RBBP8: variants seen among roughly 807,000 people sequenced by gnomAD.
RBBP8 encodes DNA endonuclease RBBP8.
RBBP8 carries 88 observed loss-of-function variants against 108.3 expected under a neutral mutation model. The ratio of observed to expected loss-of-function variants is 0.81; its 90% CI spans 0.68 to 0.97. The LOEUF is 0.97. Among genes scored for constraint, RBBP8 ranks in the 50% least tolerant of loss-of-function variants. The probability of loss-of-function intolerance (pLI) is 0.00; values close to 1 mark genes in which losing one functional copy is unlikely to be tolerated. For missense variants in RBBP8, 1,023 were observed against 1,049.0 expected (o/e 0.98, Z 0.34); for synonymous variants, 332 against 348.2 (o/e 0.95, Z 0.52).
At chr18:22,916,142 C>T (rs1251046958) in intron 2 of RBBP8, among the ~76,000 whole-genome samples, 1 of 151,706 alleles carries the variant, frequency 6.6e-6, no homozygotes, top group Non-Finnish European at 1.5e-5. Context: ...AAAAGTATTC[C>T]ACTCATTTAA....
intron 6 of RBBP8, among the ~76,000 whole-genome samples, chr18:22,979,854 A>G (rs903065163): frequency 6.6e-6 from 1 of 152,200 alleles, no homozygotes; most frequent in African/African-American, 2.4e-5. Flanking sequence ...CGCCATACCT[A>G]CTGTATGTCT....
At chr18:22,959,514 AT>A (rs1192509997) in intron 4 of RBBP8, among the ~76,000 whole-genome samples, 1 of 151,816 alleles carries the variant, frequency 6.6e-6, no homozygotes, top group Non-Finnish European at 1.5e-5. Flanking sequence ...CACTTTCTCT[AT>A]TTTTTAATGG....
At chr18:23,022,383 C>A in intron 18 of RBBP8, 113 bp downstream of exon 18, 8 of 1,036,600 alleles carry the variant, frequency 7.7e-6, no homozygotes, top group Non-Finnish European at 1.1e-5. Context: ...GGTGGATCAC[C>A]TGAGGTCAGG....
At chr18:22,933,829 G>C (rs1910243191) in intron 1 of RBBP8, 1 of 152,226 alleles carries the variant, frequency 6.6e-6, no homozygotes, top group African/African-American at 2.4e-5. Flanking sequence ...CCGCGCATGC[G>C]CCGACTGCGG....
At chr18:23,019,938 A>G (rs1278792959) in intron 17 of RBBP8, among the ~76,000 whole-genome samples, 1 of 150,598 alleles carries the variant, frequency 6.6e-6, no homozygotes. Flanking sequence ...ATTTTTTTGT[A>G]TTTTCAGTAG....
intron 10 of RBBP8, among the ~76,000 whole-genome samples, chr18:22,991,500 T>A (rs1915702188): frequency 6.6e-6 from 1 of 152,048 alleles, no homozygotes; most frequent in Non-Finnish European, 1.5e-5. Flanking sequence ...TAGGACCCCC[T>A]CCCCCATGGG....
rs1402796035 is a variant in RBBP8, at chr18:22,946,759, C to T, written c.152+273C>T. 2.0e-5 allele frequency among the ~76,000 whole-genome samples: 3 copies of T among 151,720 alleles called. No individual in the cohort carries two copies. In the East Asian group the frequency reaches 5.8e-4, roughly 29 times the overall value. On this transcript the variant is annotated intron_variant, in intron 3 of 18. Transcript: ENST00000327155. ...TACAACTTACATATGTAATCTTTTC[C>T]CATAAAGTATTAAAATGACAATTGA...
intron 4 of RBBP8, among the ~76,000 whole-genome samples, chr18:22,950,447 A>G (rs1042775060): frequency 1.3e-5 from 2 of 152,040 alleles, no homozygotes; most frequent in African/African-American, 4.8e-5. Flanking sequence ...GCTGAGCATG[A>G]TGGCCTGAAC....
Position 22,982,340 on chromosome 18 carries a change from T to C in RBBP8, c.551T>C (p.Val184Ala), listed in dbSNP as rs1275135597. 6.2e-7 allele frequency: 1 copy of C among 1,614,158 alleles called. No homozygotes were observed. The highest frequency in any genetic ancestry group is 1.3e-5 in the African/African-American group (1 of 75,052). Residue 184 changes from valine to alanine, a missense_variant, in exon 7 of 19, where the codon GTC becomes GCC. Physicochemically the swap from Val to Ala is moderately conservative, Grantham distance 64 (BLOSUM62 0). Transcript: ENST00000327155. ...CTACGAAGAAAGGAGAACCCCCATGTCCGATACATAGAACAAACACATACT... is the reference window on the plus strand; with the variant it reads ...CTACGAAGAAAGGAGAACCCCCATGCCCGATACATAGAACAAACACATACT... ...NRLRRKENPHVRYIEQTHTKL... is the reference protein window; with the variant it reads ...NRLRRKENPHARYIEQTHTKL...
At chr18:22,971,792 C>T (rs1372557587) in intron 5 of RBBP8, among the ~76,000 whole-genome samples, 3 of 151,208 alleles carry the variant, frequency 2.0e-5, no homozygotes, top group Non-Finnish European at 4.4e-5. Flanking sequence ...ATTACAGGCG[C>T]CCACCACCAC....
intron 4 of RBBP8, among the ~76,000 whole-genome samples, chr18:22,956,361 GTC>G (rs1217390988): frequency 6.6e-6 from 1 of 151,954 alleles, no homozygotes; most frequent in Non-Finnish European, 1.5e-5. Flanking sequence ...TAGAGACAGG[GTC>G]TTACTCTGTT....
intron 5 of RBBP8, among the ~76,000 whole-genome samples, chr18:22,974,618 T>A (rs138836310): frequency 2.6e-5 from 4 of 152,250 alleles, no homozygotes; most frequent in Admixed American, 6.5e-5. Context: ...CGCCACCATG[T>A]CCGGCTGATT....
intron 12 of RBBP8, among the ~76,000 whole-genome samples, chr18:22,994,126 T>C (rs534159401): frequency 2.0e-4 from 28 of 137,400 alleles, no homozygotes; most frequent in Middle Eastern, 4.5e-3. Flanking sequence ...GTTCACACCA[T>C]TCTCCTGCCT....
At chr18:23,001,291 C>G (rs2045942885) in intron 14 of RBBP8, among the ~76,000 whole-genome samples, 1 of 152,176 alleles carries the variant, frequency 6.6e-6, no homozygotes, top group Admixed American at 6.5e-5. Flanking sequence ...CTGTAATCCA[C>G]ATTTTTTTAA....
rs1555647792 is a variant in RBBP8 at position 23,010,609 on chromosome 18, A to AG, written c.2357+4178dup. Among the ~76,000 whole-genome samples the AG allele has an allele frequency of 1.1e-4, 16 of 152,256 alleles. 1 individual carries two copies. The East Asian group carries it at 1.7e-3, about 17-fold the overall frequency. On this transcript the variant is annotated intron_variant, in intron 16 of 18. Coordinates refer to ENST00000327155, the MANE Select transcript of RBBP8 (RefSeq NM_002894.3). ...TGAGACCCTGTCTCCAAAAAAAAAA[A>AG]GAACTGTCATTTTAAATGTTTCATG...
chr18:23,010,973 A>T (rs2046149182), intron 16 of RBBP8, among the ~76,000 whole-genome samples: 1 of 152,216 alleles, frequency 6.6e-6, no homozygotes, highest in African/African-American at 2.4e-5. Context: ...CCAAAATGTG[A>T]TCTGCATAAT....
Position 23,012,206 on chromosome 18 carries a change from TC to T in RBBP8, c.2358-4620del, listed in dbSNP as rs200662682. Reference sequence around the variant, plus strand: ...CTGGGAGACAAAGTGAGATGCTGTCTCCAAAAAAAAAAAAAAAAAAAAAAAC... The same window carrying T: ...CTGGGAGACAAAGTGAGATGCTGTCTCAAAAAAAAAAAAAAAAAAAAAAAC... On this transcript the variant is annotated intron_variant, in intron 16 of 18. Transcript: ENST00000327155. Among the ~76,000 whole-genome samples the T allele has an allele frequency of 3.0e-3, 17 of 5,580 alleles. 1 individual carries two copies. Among genetic ancestry groups the T allele is most frequent in the African/African-American group, 4.3e-3 (6 of 1,384 alleles). 3.7% of individuals were successfully genotyped at this position (5,580 alleles called of 152,430 possible). A position where few individuals can be genotyped will look rare whatever the true frequency, so the allele number is the denominator to read the frequency against.
chr18:23,006,326 C>A (rs768769444), intron 15 of RBBP8, 37 bp from the exon 16 acceptor site: 6 of 1,547,312 alleles, frequency 3.9e-6, no homozygotes, highest in South Asian at 1.1e-5. Context: ...TCATTAAGTT[C>A]TACATTTAGT....
intron 3 of RBBP8, among the ~76,000 whole-genome samples, chr18:22,927,560 T>A (rs758184969): frequency 6.6e-6 from 1 of 152,116 alleles, no homozygotes; most frequent in Non-Finnish European, 1.5e-5. Context: ...TAGTCTAAAC[T>A]GAGATGTGCT....
Sources: gnomAD v4.1 joint callset for allele counts (sites outside exome capture counted in the v4.1 genomes callset) on GRCh38, gnomAD v4.1.1 for gene constraint, MANE v1.5 for transcripts, NCBI Gene and HGNC (gene_info 2026-07-23, HGNC 2026-07-21) for gene names.